DSCAML1: variants seen among roughly 807,000 people sequenced by gnomAD.
DSCAML1 encodes DS cell adhesion molecule like 1, also known as cell adhesion molecule DSCAML1.
A neutral mutation model predicts 200.5 loss-of-function variants in DSCAML1; 38 were observed. The observed-to-expected ratio is 0.19, with a 90% CI of 0.15 to 0.25. The LOEUF is 0.25. DSCAML1 is among the 10% of genes least tolerant of loss of function. DSCAML1 has a pLI of 1.00. For synonymous variants in DSCAML1, 1,215 were observed against 1,165.0 expected (o/e 1.04, Z -0.87); for missense variants, 2,223 against 2,858.8 (o/e 0.78, Z 5.07).
At chr11:117,677,972 C>T (rs546470535) in intron 3 of DSCAML1, among the ~76,000 whole-genome samples, 8 of 152,264 alleles carry the variant, frequency 5.3e-5, no homozygotes, top group African/African-American at 1.4e-4. Context: ...AGAGGCTGTG[C>T]GGTGTGTCCT....
At chr11:117,788,713 G>C (rs908591030) in intron 1 of DSCAML1, among the ~76,000 whole-genome samples, 9 of 152,188 alleles carry the variant, frequency 5.9e-5, no homozygotes, top group African/African-American at 2.2e-4. Flanking sequence ...TCTTACAACA[G>C]CCCTTGGATG....
chr11:117,573,346 CA>C (rs764750597), intron 3 of DSCAML1, among the ~76,000 whole-genome samples: 20 of 152,230 alleles, frequency 1.3e-4, no homozygotes, highest in Non-Finnish European at 2.9e-4. Flanking sequence ...AAGAATCTTT[CA>C]ATCCCCTCTC....
intron 3 of DSCAML1, among the ~76,000 whole-genome samples, chr11:117,591,513 G>A (rs752950984): frequency 1.0e-3 from 158 of 152,342 alleles, no homozygotes; most frequent in Middle Eastern, 3.4e-3. Context: ...AGGAATCTGC[G>A]AGTGCTATGC....
chr11:117,604,422 G>C (rs1439468975), intron 3 of DSCAML1, among the ~76,000 whole-genome samples: 3 of 151,738 alleles, frequency 2.0e-5, no homozygotes, highest in African/African-American at 7.3e-5. Flanking sequence ...CCCAGCGCCT[G>C]CCCCTCCCTC....
chr11:117,443,771 C>T, intron 21 of DSCAML1, 115 bp downstream of exon 21: 2 of 1,436,050 alleles, frequency 1.4e-6, no homozygotes, highest in African/African-American at 1.4e-5. Context: ...CAGTTCCTCA[C>T]AGCTGGGTGG....
intron 3 of DSCAML1, among the ~76,000 whole-genome samples, chr11:117,756,412 C>T (rs558189831): frequency 3.9e-5 from 6 of 152,164 alleles, no homozygotes; most frequent in South Asian, 4.2e-4. Flanking sequence ...GAGAAGCATC[C>T]GTGAAACTCA....
intron 1 of DSCAML1, among the ~76,000 whole-genome samples, chr11:117,804,491 C>G (rs2055692788): frequency 6.6e-6 from 1 of 152,236 alleles, no homozygotes; most frequent in African/African-American, 2.4e-5. Flanking sequence ...CCAATCTGGA[C>G]AAAATGACAG....
At chr11:117,662,078 A>T (rs562491439) in intron 3 of DSCAML1, among the ~76,000 whole-genome samples, 7 of 152,322 alleles carry the variant, frequency 4.6e-5, no homozygotes, top group African/African-American at 1.7e-4. Context: ...GCTGTCCTGG[A>T]GGAGCAGCCT....
intron 3 of DSCAML1, among the ~76,000 whole-genome samples, chr11:117,640,586 T>A (rs530207773): frequency 2.6e-5 from 4 of 152,240 alleles, no homozygotes; most frequent in African/African-American, 9.6e-5. Flanking sequence ...CAGCCCCAAG[T>A]AAACTGTCAG....
At chr11:117,583,843 A>C (rs2051089912) in intron 3 of DSCAML1, among the ~76,000 whole-genome samples, 1 of 152,232 alleles carries the variant, frequency 6.6e-6, no homozygotes, top group Admixed American at 6.5e-5. Flanking sequence ...CATGGACCCC[A>C]TCAGACCCTG....
At chr11:117,802,835 T>C (rs1033729889) in intron 1 of DSCAML1, among the ~76,000 whole-genome samples, 7 of 152,226 alleles carry the variant, frequency 4.6e-5, no homozygotes, top group Middle Eastern at 3.2e-3. Context: ...AGAATTGTTT[T>C]GATCATTATA....
chr11:117,494,396 C>T (rs1400455101), intron 11 of DSCAML1, among the ~76,000 whole-genome samples: 1 of 152,198 alleles, frequency 6.6e-6, no homozygotes, highest in Admixed American at 6.5e-5. Context: ...GTTACTGAAC[C>T]CTGCCCTGAG....
chr11:117,582,719 G>A (rs1011938035), intron 3 of DSCAML1, among the ~76,000 whole-genome samples: 5 of 152,280 alleles, frequency 3.3e-5, no homozygotes, highest in South Asian at 2.1e-4. Flanking sequence ...CTCCAGCTCC[G>A]GGGAAGGCTG....
In DSCAML1 at chr11:117,428,413, G is replaced by A. The variant is rs754834060; in HGVS notation, c.6077C>T (p.Ser2026Leu). ...CCCCGATGTGCTCATCTCGAGAAGC[G>A]AGTCCCTGGAGCCCCCCATTTTGGT... Reference protein sequence around the residue: ...PHTKMGGSRDSLLEMSTSGVG... With the variant: ...PHTKMGGSRDLLLEMSTSGVG... Residue 2026 changes from serine (S) to leucine (L), a missense_variant, in exon 33 of 33, where the codon TCG becomes TTG. By Grantham distance (145) the Ser-to-Leu change is moderately radical (BLOSUM62 -2). Coordinates refer to ENST00000651296, the MANE Select transcript of DSCAML1 (RefSeq NM_020693.4). 22 of 1,562,902 alleles carry A rather than the reference G, an allele frequency of 1.4e-5. No individual in the cohort carries two copies. The highest frequency in any genetic ancestry group is 4.8e-5 in the South Asian group (4 of 83,864).
chr11:117,510,727 A>T (rs1232839406), intron 8 of DSCAML1, among the ~76,000 whole-genome samples: 1 of 152,146 alleles, frequency 6.6e-6, no homozygotes, highest in Admixed American at 6.5e-5. Flanking sequence ...AGTGCCTGGA[A>T]TCTAGTGGAG....
chr11:117,806,334 C>G (rs916091940), intron 1 of DSCAML1, among the ~76,000 whole-genome samples: 1 of 152,180 alleles, frequency 6.6e-6, no homozygotes, highest in Non-Finnish European at 1.5e-5. Flanking sequence ...TCAGGAAAGC[C>G]TGACTCTATG....
At chr11:117,770,417 C>T (rs1274732707) in intron 3 of DSCAML1, among the ~76,000 whole-genome samples, 5 of 152,108 alleles carry the variant, frequency 3.3e-5, no homozygotes, top group African/African-American at 1.2e-4. Flanking sequence ...CAGAGAATCA[C>T]AAGAGGAACA....
intron 3 of DSCAML1, among the ~76,000 whole-genome samples, chr11:117,694,499 A>G (rs994814189): frequency 6.6e-6 from 1 of 152,166 alleles, no homozygotes; most frequent in African/African-American, 2.4e-5. Context: ...AGGTTTATAG[A>G]GCGCCTACAA....
At chr11:117,715,096 A>G (rs573554236) in intron 3 of DSCAML1, among the ~76,000 whole-genome samples, 1 of 118,394 alleles carries the variant, frequency 8.4e-6, no homozygotes. Flanking sequence ...CAATTTCGTC[A>G]GTTAAAAATA....
Sources: gnomAD v4.1 joint callset for allele counts (sites outside exome capture counted in the v4.1 genomes callset) on GRCh38, gnomAD v4.1.1 for gene constraint, MANE v1.5 for transcripts, NCBI Gene and HGNC (gene_info 2026-07-23, HGNC 2026-07-21) for gene names.